KIAA0825: variants seen among roughly 807,000 people sequenced by gnomAD.
The protein encoded by KIAA0825 is uncharacterized protein KIAA0825.
In KIAA0825, 119 loss-of-function variants were observed where a neutral mutation model predicts 147.6. The ratio of observed to expected loss-of-function variants is 0.81; its 90% CI spans 0.69 to 0.94. The LOEUF (loss-of-function observed/expected upper bound fraction) is 0.94. Among genes scored for constraint, KIAA0825 ranks in the 40% least tolerant of loss-of-function variants. The probability of loss-of-function intolerance (pLI) is 0.00; values close to 1 mark genes in which losing one functional copy is unlikely to be tolerated. For missense variants in KIAA0825, 1,381 were observed against 1,472.7 expected, an observed-to-expected ratio of 0.94 and a Z score of 1.02; for synonymous variants, 470 against 518.1, an observed-to-expected ratio of 0.91 and a Z score of 1.26.
chr5:94,184,653 T>C (rs985288206), intron 20 of KIAA0825, among the ~76,000 whole-genome samples: 3 of 152,228 alleles, frequency 2.0e-5, no homozygotes, highest in Non-Finnish European at 2.9e-5. Flanking sequence ...TGTGCTATTA[T>C]CATGTAAATT....
At chr5:94,487,089 C>A (rs1295103907) in intron 5 of KIAA0825, among the ~76,000 whole-genome samples, 3 of 152,114 alleles carry the variant, frequency 2.0e-5, no homozygotes, top group Admixed American at 2.0e-4. Flanking sequence ...TACTTGCTGA[C>A]AATTATGCGA....
chr5:94,499,496 C>T (rs1217712239), intron 5 of KIAA0825, among the ~76,000 whole-genome samples: 3 of 150,606 alleles, frequency 2.0e-5, no homozygotes, highest in South Asian at 4.2e-4. Flanking sequence ...ACCCCTACTT[C>T]CTGGAATCGC....
intron 20 of KIAA0825, among the ~76,000 whole-genome samples, chr5:94,338,635 T>G (rs1389172505): frequency 6.6e-6 from 1 of 152,312 alleles, no homozygotes; most frequent in East Asian, 1.9e-4. Context: ...TTTGTTACAA[T>G]TGCCTACAGT....
chr5:94,272,996 C>G (rs996332221), intron 20 of KIAA0825, among the ~76,000 whole-genome samples: 5 of 152,148 alleles, frequency 3.3e-5, no homozygotes, highest in African/African-American at 1.2e-4. Context: ...ATTTAGGATG[C>G]AAATTAATTG....
In KIAA0825 at chr5:94,477,184, C is replaced by A; in HGVS notation, c.1154G>T (p.Arg385Ile). Reference protein sequence around the residue: ...DTSGILEKSDREVVMEKPRAN... With the variant: ...DTSGILEKSDIEVVMEKPRAN... ...TCTAGGTTTTTCCATTACAACCTCT[C>A]TATCGGATTTCTCCAAAATTCCTAA... Residue 385 changes from arginine to isoleucine, a missense_variant, in exon 7 of 21, where the codon AGA becomes ATA. Coordinates refer to ENST00000682413, the MANE Select transcript of KIAA0825 (RefSeq NM_001145678.3). The A allele has an allele frequency of 6.5e-7, 1 of 1,549,610 alleles. No homozygotes were observed. The highest frequency in any genetic ancestry group is 8.7e-7 in the Non-Finnish European group (1 of 1,146,226).
chr5:94,501,903 T>A (rs1351190824), intron 5 of KIAA0825, among the ~76,000 whole-genome samples: 1 of 152,168 alleles, frequency 6.6e-6, no homozygotes, highest in Non-Finnish European at 1.5e-5. Context: ...GATGGTTAAT[T>A]AAATGACTGA....
Position 94,592,771 on chromosome 5 carries a change from C to A in KIAA0825, c.-152-10188G>T, listed in dbSNP as rs1165058629. 2.0e-4 allele frequency: 70 copies of A among 358,864 alleles called. 2 individuals are homozygous for A. In the Admixed American group the frequency reaches 2.9e-3, roughly 15 times the overall value. The allele number at this position is 358,864 out of a possible 1,614,324, so 22.2% of individuals were successfully genotyped here. A position where few individuals can be genotyped will look rare whatever the true frequency, so the allele number is the denominator to read the frequency against. ...ACCTAAGAAAATTTGTGATGTAAAT[C>A]AAAAAACATCTGTTTGCCTAGACTC... On this transcript the variant is annotated intron_variant, in intron 1 of 20. Coordinates refer to ENST00000682413, the MANE Select transcript of KIAA0825 (RefSeq NM_001145678.3).
intron 20 of KIAA0825, among the ~76,000 whole-genome samples, chr5:94,363,265 C>A (rs13165031): frequency 6.6e-6 from 1 of 151,460 alleles, no homozygotes; most frequent in South Asian, 2.1e-4. Context: ...ATAAGAGATC[C>A]GCAAGCTTCT....
At chr5:94,280,742 CA>C (rs1777419173) in intron 20 of KIAA0825, among the ~76,000 whole-genome samples, 1 of 151,870 alleles carries the variant, frequency 6.6e-6, no homozygotes, top group Non-Finnish European at 1.5e-5. Flanking sequence ...CTTTATGTGC[CA>C]AAATGAGAAA....
intron 20 of KIAA0825, among the ~76,000 whole-genome samples, chr5:94,280,300 C>A (rs1777402415): frequency 1.3e-5 from 2 of 152,010 alleles, no homozygotes; most frequent in Admixed American, 6.6e-5. Flanking sequence ...TGTACTATAC[C>A]AGAAATACAG....
chr5:94,491,841 AAATT>A lies in KIAA0825; in HGVS notation c.971-6915_971-6912del, dbSNP rs200302767. On this transcript the variant is annotated intron_variant, in intron 5 of 20. Transcript: ENST00000682413. ...TATACACAAGGTAAAACTTTGAAAT[AAATT>A]GAGTGAATAAATGAGTAAATAAATG... Among the ~76,000 whole-genome samples the A allele has an allele frequency of 4.5e-3, 690 of 152,322 alleles. 5 individuals are homozygous for A. Among genetic ancestry groups the A allele is most frequent in the African/African-American group, 0.016 (647 of 41,568 alleles).
chr5:94,402,742 G>A (rs760013452), intron 16 of KIAA0825, among the ~76,000 whole-genome samples: 4 of 151,108 alleles, frequency 2.6e-5, no homozygotes, highest in African/African-American at 4.8e-5. Context: ...TAGTTTTCTA[G>A]TTTCTCTAGA....
Position 94,262,571 on chromosome 5 carries a change from A to G in KIAA0825, c.3711-108447T>C, listed in dbSNP as rs114234549. 9.6e-3 allele frequency among the ~76,000 whole-genome samples: 1,469 copies of G among 152,318 alleles called. 12 individuals carry two copies. Among genetic ancestry groups the G allele is most frequent in the African/African-American group, 0.017 (723 of 41,576 alleles). Reference sequence around the variant, plus strand: ...TCAGTTAAATAATTTATGGGAACCCATATCATTCTGGAATATTAGGAAGTG... The same window carrying G: ...TCAGTTAAATAATTTATGGGAACCCGTATCATTCTGGAATATTAGGAAGTG... On this transcript the variant is annotated intron_variant, in intron 20 of 20. Coordinates refer to ENST00000682413, the MANE Select transcript of KIAA0825 (RefSeq NM_001145678.3).
intron 5 of KIAA0825, among the ~76,000 whole-genome samples, chr5:94,499,818 T>A (rs1175772340): frequency 6.6e-6 from 1 of 152,168 alleles, no homozygotes; most frequent in Non-Finnish European, 1.5e-5. Context: ...AGAAAATAAA[T>A]AATTCTTGTC....
At chr5:94,195,614 T>A (rs1050823803) in intron 20 of KIAA0825, among the ~76,000 whole-genome samples, 1 of 152,030 alleles carries the variant, frequency 6.6e-6, no homozygotes, top group Non-Finnish European at 1.5e-5. Flanking sequence ...TTAAATTCAC[T>A]ACACAAATTC....
chr5:94,284,107 A>C (rs555337537), intron 20 of KIAA0825, among the ~76,000 whole-genome samples: 48 of 152,298 alleles, frequency 3.2e-4, no homozygotes, highest in Middle Eastern at 6.8e-3. Context: ...AATGTATATA[A>C]AAATTATTTA....
At chr5:94,364,024 C>T (rs1047187765) in intron 20 of KIAA0825, among the ~76,000 whole-genome samples, 2 of 151,910 alleles carry the variant, frequency 1.3e-5, no homozygotes, top group Non-Finnish European at 2.9e-5. Flanking sequence ...ATGCTTTCAC[C>T]ACTGTGCTTT....
intron 1 of KIAA0825, among the ~76,000 whole-genome samples, chr5:94,587,342 A>G (rs1490429291): frequency 6.6e-6 from 1 of 152,234 alleles, no homozygotes; most frequent in Admixed American, 6.5e-5. Flanking sequence ...AACCTCAGCA[A>G]AGTCTCAGGA....
intron 2 of KIAA0825, chr5:94,567,478 A>C (rs78778457): frequency 6.6e-6 from 1 of 152,120 alleles, no homozygotes; most frequent in Admixed American, 6.6e-5. Context: ...ACATTAATCA[A>C]TTTTTCAAAT....
Sources: allele counts gnomAD v4.1 joint callset (sites outside exome capture counted in the v4.1 genomes callset), GRCh38; gene constraint gnomAD v4.1.1; transcripts MANE v1.5; gene names NCBI Gene and HGNC (gene_info 2026-07-23, HGNC 2026-07-21).